The following MME variants were observed in gnomAD, a reference collection of about 807,000 sequenced individuals.
MME encodes the protein membrane metalloendopeptidase, also known as neprilysin.
Under a neutral mutation model 113.2 loss-of-function variants are expected in MME, and 98 were observed. The ratio of observed to expected loss-of-function variants is 0.87; its 90% CI spans 0.74 to 1.02. The LOEUF is 1.02. Ranked by LOEUF, MME falls within the 50% of genes least tolerant of loss-of-function variation. MME has a pLI of 0.00. For synonymous variants in MME, 292 were observed against 300.6 expected, an observed-to-expected ratio of 0.97 and a Z score of 0.30; for missense variants, 836 against 896.0, an observed-to-expected ratio of 0.93 and a Z score of 0.86.
chr3:155,155,124 G>A (rs907019109), intron 16 of MME, among the ~76,000 whole-genome samples: 1 of 152,006 alleles, frequency 6.6e-6, no homozygotes, highest in Non-Finnish European at 1.5e-5. Flanking sequence ...AAAGATTTCT[G>A]CTTTTTAGTC....
In MME at chr3:155,055,177, G is replaced by GA. The variant is rs796827298; in HGVS notation, c.-10-28973dup. ...GATCAAAGAACTCAACTGTAAAATG[G>GA]AAAAAAAACGATTATATGCTCACAC... On this transcript the variant is annotated intron_variant, in intron 1 of 22. Transcript: ENST00000492661. Among the ~76,000 whole-genome samples, 288 of 151,446 alleles carry GA rather than the reference G, an allele frequency of 1.9e-3. 1 individual carries two copies. Among genetic ancestry groups the GA allele is most frequent in the African/African-American group, 5.9e-3 (242 of 41,286 alleles).
At chr3:155,162,153 G>A (rs975779598) in intron 17 of MME, among the ~76,000 whole-genome samples, 4 of 152,118 alleles carry the variant, frequency 2.6e-5, no homozygotes, top group African/African-American at 4.8e-5. Flanking sequence ...GGATCCTATC[G>A]GAGCTCATGC....
intron 1 of MME, among the ~76,000 whole-genome samples, chr3:155,073,512 AGT>A (rs1173374387): frequency 6.6e-6 from 1 of 152,228 alleles, no homozygotes; most frequent in Non-Finnish European, 1.5e-5. Context: ...AAACAATAGT[AGT>A]GGGTAATAAT....
chr3:155,077,013 G>A (rs1184780294), upstream of MME, among the ~76,000 whole-genome samples: 3 of 152,036 alleles, frequency 2.0e-5, no homozygotes, highest in Non-Finnish European at 4.4e-5. Flanking sequence ...CCTATACCTT[G>A]TGCCAACCGA....
At chr3:155,067,097 A>G (rs991215999) in intron 1 of MME, among the ~76,000 whole-genome samples, 14 of 151,184 alleles carry the variant, frequency 9.3e-5, no homozygotes, top group African/African-American at 3.2e-4. Context: ...GATGTAGATA[A>G]TGTTGAAGAA....
chr3:155,175,111 G>GA (rs568106274), intron 22 of MME, among the ~76,000 whole-genome samples: 23 of 148,964 alleles, frequency 1.5e-4, no homozygotes, highest in East Asian at 5.9e-4. Flanking sequence ...ACAATATCCT[G>GA]AAAAAAAAAG....
At chr3:155,028,234 A>G (rs1215764035) in intron 1 of MME, among the ~76,000 whole-genome samples, 2 of 152,210 alleles carry the variant, frequency 1.3e-5, no homozygotes, top group African/African-American at 4.8e-5. Flanking sequence ...CAGACAAATA[A>G]GTTAATTGTG....
At chr3:155,170,281 G>C (rs768365547) in intron 20 of MME, among the ~76,000 whole-genome samples, 4 of 152,298 alleles carry the variant, frequency 2.6e-5, no homozygotes, top group Admixed American at 1.3e-4. Flanking sequence ...CTGACATCAA[G>C]CGATCCACCT....
At position 155,140,212 on chromosome 3, in the gene MME, C is replaced by T. The variant is rs764060752; in HGVS notation, c.877C>T (p.Arg293Ter). The change falls in exon 10 of 23, where the codon CGA becomes TGA. Residue 293 changes from arginine to a stop codon, truncating the protein, a stop_gained. Coordinates refer to ENST00000360490, the MANE Select transcript of MME (RefSeq NM_007289.4). LOFTEE classifies it high-confidence loss of function. ...ATAGGCTACGGCTAAACCTGAAGAT[C>T]GAAATGATCCAATGCTTCTGTATAA... is the stretch of plus-strand genomic sequence containing the variant. The part of the protein sequence containing the change: ...IANATAKPED[R>*]NDPMLLYNKM... The T allele has an allele frequency of 5.6e-6, 9 of 1,611,398 alleles. No individual in the cohort carries two copies. The East Asian group carries it at 1.1e-4, about 20-fold the overall frequency.
intron 1 of MME, among the ~76,000 whole-genome samples, chr3:155,055,370 G>A (rs1208616680): frequency 6.6e-6 from 1 of 152,226 alleles, no homozygotes; most frequent in East Asian, 1.9e-4. Flanking sequence ...GGCCAAGGCA[G>A]ACGGATCACT....
intron 22 of MME, among the ~76,000 whole-genome samples, chr3:155,176,000 T>C (rs1367135761): frequency 6.6e-6 from 1 of 152,192 alleles, no homozygotes; most frequent in Non-Finnish European, 1.5e-5. Context: ...TATTTATGAC[T>C]GTATAGCAGA....
chr3:155,179,548 C>T lies in MME; in HGVS notation c.2154-812C>T, dbSNP rs113040357. On this transcript the variant is annotated intron_variant, in intron 22 of 22. Transcript: ENST00000360490. ...TGTGCCTAGTCCTTCCAAACCAGTC[C>T]ACTTGTCTCTGGGCCCCTCCTCCCA... Among the ~76,000 whole-genome samples, 168 of 152,216 alleles carry T rather than the reference C, an allele frequency of 1.1e-3. No individual in the cohort carries two copies. The Middle Eastern group carries it at 0.024, about 22-fold the overall frequency.
chr3:155,151,927 C>T (rs905018544), intron 16 of MME, among the ~76,000 whole-genome samples: 1 of 152,024 alleles, frequency 6.6e-6, no homozygotes, highest in African/African-American at 2.4e-5. Flanking sequence ...TTTTACCAAC[C>T]ACCTTCTATA....
At chr3:155,077,485 C>G (rs1248813409), upstream of MME, among the ~76,000 whole-genome samples, 3 of 152,180 alleles carry the variant, frequency 2.0e-5, no homozygotes, top group Non-Finnish European at 2.9e-5. Context: ...AAAAAATTAT[C>G]TCAAACTTGC....
In MME at chr3:155,067,214, A is replaced by C. The variant is rs532515036; in HGVS notation, c.-10-16944A>C. Among the ~76,000 whole-genome samples the C allele has an allele frequency of 6.6e-5, 10 of 150,970 alleles. No individual in the cohort carries two copies. The South Asian group carries it at 1.0e-3, about 16-fold the overall frequency. ...AACACAGGCAATTTGAAAAAAAAAAAAAAACACCTCTCATTCAAAGATAAA... is the reference window on the plus strand; with the variant it reads ...AACACAGGCAATTTGAAAAAAAAAACAAAACACCTCTCATTCAAAGATAAA... On this transcript the variant is annotated intron_variant, in intron 1 of 22. Coordinates refer to the MME transcript ENST00000492661.
At chr3:155,064,030 C>T (rs1714301533) in intron 1 of MME, among the ~76,000 whole-genome samples, 1 of 152,034 alleles carries the variant, frequency 6.6e-6, no homozygotes, top group Non-Finnish European at 1.5e-5. Context: ...GTGGCTCATG[C>T]CTGTAATCTC....
intron 3 of MME, among the ~76,000 whole-genome samples, chr3:155,108,549 T>A (rs1472636291): frequency 6.6e-6 from 1 of 151,082 alleles, no homozygotes; most frequent in East Asian, 1.9e-4. Flanking sequence ...TGAGCAGATA[T>A]CGCGCCATTG....
intron 3 of MME, among the ~76,000 whole-genome samples, chr3:155,096,999 A>G (rs1716797871): frequency 6.6e-6 from 1 of 152,212 alleles, no homozygotes; most frequent in Non-Finnish European, 1.5e-5. Context: ...ATGTTTCTGT[A>G]AATAGGTGAG....
At position 155,138,234 on chromosome 3, in the gene MME, A is replaced by G. The variant is rs1339178202; in HGVS notation, c.853A>G (p.Asn285Asp). The change falls in exon 9 of 23, where the codon AAT becomes GAT. Residue 285 changes from asparagine to aspartate, a missense_variant and splice_region_variant. Asn to Asp is a conservative substitution (Grantham distance 23). Coordinates refer to ENST00000360490, the MANE Select transcript of MME (RefSeq NM_007289.4). ...TATGGAATTGGAAAAAGAAATTGCCAATGTAAAACACATTTTTTTTTCTGA... is the reference window on the plus strand; with the variant it reads ...TATGGAATTGGAAAAAGAAATTGCCGATGTAAAACACATTTTTTTTTCTGA... ...KVMELEKEIA[N>D]ATAKPEDRND... is the part of the protein sequence containing the mutation. The G allele has an allele frequency of 3.7e-6, 6 of 1,613,514 alleles. No homozygotes were observed. In the South Asian group the frequency reaches 6.6e-5, roughly 18 times the overall value.
Sources: allele counts gnomAD v4.1 joint callset (sites outside exome capture counted in the v4.1 genomes callset), GRCh38; gene constraint gnomAD v4.1.1; transcripts MANE v1.5; gene names NCBI Gene and HGNC (gene_info 2026-07-23, HGNC 2026-07-21).